Variants in RBFOX1 observed in about 807,000 individuals in gnomAD.
The protein encoded by RBFOX1 is RNA binding protein fox-1 homolog 1.
A neutral mutation model predicts 57.7 loss-of-function variants in RBFOX1; 8 were observed. The observed-to-expected ratio is 0.14, with a 90% CI of 0.08 to 0.25. The LOEUF (loss-of-function observed/expected upper bound fraction) is 0.25, where lower values mean the gene tolerates loss of function less well. Ranked by LOEUF, RBFOX1 falls within the 10% of genes least tolerant of loss-of-function variation. The pLI is 1.00. For missense variants in RBFOX1, 611 were observed against 548.5 expected (o/e 1.11, Z -1.14); for synonymous variants, 326 against 222.4 (o/e 1.47, Z -4.15).
rs201596391 is a variant in RBFOX1, at chr16:7,203,069, A to G, written c.27+150971A>G. Among the ~76,000 whole-genome samples, 7 of 152,292 alleles carry G rather than the reference A, an allele frequency of 4.6e-5. No homozygotes were observed. In the East Asian group the frequency reaches 1.4e-3, roughly 29 times the overall value. ...CCAAAGTGCTGGGATTACAGGCGTG[A>G]GCCACTGCACCCAGCCAAAGAAATG... On this transcript the variant is annotated intron_variant, in intron 4 of 15. Coordinates refer to ENST00000550418, the MANE Select transcript of RBFOX1 (RefSeq NM_018723.4).
At chr16:7,439,465 T>G (rs1440587691) in intron 4 of RBFOX1, among the ~76,000 whole-genome samples, 1 of 152,214 alleles carries the variant, frequency 6.6e-6, no homozygotes, top group Non-Finnish European at 1.5e-5. Flanking sequence ...TCTTCTTGTC[T>G]GGACACAATT....
chr16:7,551,043 G>C (rs138812150), intron 5 of RBFOX1, among the ~76,000 whole-genome samples: 142 of 142,432 alleles, frequency 1.0e-3, no homozygotes, highest in Non-Finnish European at 1.8e-3. Flanking sequence ...GCAGTGAGCT[G>C]AGATTGTGCC....
chr16:6,562,619 C>T (rs554760089), intron 2 of RBFOX1, among the ~76,000 whole-genome samples: 1 of 152,278 alleles, frequency 6.6e-6, no homozygotes, highest in African/African-American at 2.4e-5. Flanking sequence ...AAACATCTTG[C>T]ATGTACTAAT....
chr16:6,208,076 G>C (rs1019992369), intron 1 of RBFOX1, among the ~76,000 whole-genome samples: 1 of 151,528 alleles, frequency 6.6e-6, no homozygotes, highest in East Asian at 1.9e-4. Flanking sequence ...ATAGTCTGGC[G>C]GTCAACAGTT....
chr16:7,631,503 A>G (rs893818137), intron 11 of RBFOX1, among the ~76,000 whole-genome samples: 2 of 152,226 alleles, frequency 1.3e-5, no homozygotes, highest in Admixed American at 6.5e-5. Flanking sequence ...ACCCCTTCTT[A>G]AAGAATCTCC....
At chr16:7,034,827 C>CTTTTTTTTTTTTTTTTT (rs113413414) in intron 3 of RBFOX1, among the ~76,000 whole-genome samples, 1 of 54,110 alleles carries the variant, frequency 1.8e-5, no homozygotes, top group Non-Finnish European at 3.1e-5. Context: ...TATTGCATTA[C>CTTTTTTTTTTTTTTTTT]TTTTTTTTTT....
chr16:6,135,103 T>C (rs2096657403), intron 1 of RBFOX1, among the ~76,000 whole-genome samples: 1 of 152,124 alleles, frequency 6.6e-6, no homozygotes, highest in East Asian at 1.9e-4. Flanking sequence ...GTGTTTGGTA[T>C]TTTGTCCTTG....
chr16:5,623,345 A>G (rs894810694), intron 3 of RBFOX1, among the ~76,000 whole-genome samples: 5 of 152,156 alleles, frequency 3.3e-5, no homozygotes, highest in African/African-American at 9.7e-5. Context: ...CTCAAAATGC[A>G]TTTTCCTGGG....
chr16:6,830,508 G>T (rs1346684044), intron 3 of RBFOX1, among the ~76,000 whole-genome samples: 1 of 152,152 alleles, frequency 6.6e-6, no homozygotes, highest in Non-Finnish European at 1.5e-5. Context: ...TCTCAACTGA[G>T]ACTGTTTTGT....
chr16:6,401,398 G>A (rs566618098), intron 2 of RBFOX1, among the ~76,000 whole-genome samples: 1 of 152,298 alleles, frequency 6.6e-6, no homozygotes, highest in Non-Finnish European at 1.5e-5. Flanking sequence ...TAACTTATAA[G>A]CATAACTCAC....
At chr16:7,613,748 A>G (rs1459495511) in intron 10 of RBFOX1, among the ~76,000 whole-genome samples, 3 of 152,110 alleles carry the variant, frequency 2.0e-5, no homozygotes, top group Non-Finnish European at 2.9e-5. Flanking sequence ...CCAAGAGTCT[A>G]TTACCGTTAA....
intron 2 of RBFOX1, among the ~76,000 whole-genome samples, chr16:5,507,949 C>G (rs2043435951): frequency 6.6e-6 from 1 of 152,100 alleles, no homozygotes; most frequent in African/African-American, 2.4e-5. Context: ...TTTAGGCCAT[C>G]TGGTTTGGGG....
At chr16:5,985,211 C>T (rs537071038) in intron 4 of RBFOX1, among the ~76,000 whole-genome samples, 1 of 151,334 alleles carries the variant, frequency 6.6e-6, no homozygotes, top group Admixed American at 6.6e-5. Context: ...CCAGGATGGT[C>T]TCGATCTCCT....
intron 4 of RBFOX1, among the ~76,000 whole-genome samples, chr16:7,134,350 T>TATATATATATATA (rs2071330767): frequency 1.3e-5 from 2 of 152,196 alleles, no homozygotes; most frequent in African/African-American, 2.4e-5. Context: ...CCAGTATATA[T>TATATATATATATA]AACCGTCAAA....
chr16:7,313,038 G>A (rs942368861), intron 4 of RBFOX1, among the ~76,000 whole-genome samples: 4 of 151,992 alleles, frequency 2.6e-5, no homozygotes, highest in East Asian at 3.9e-4. Flanking sequence ...GAGAGGCAGC[G>A]TGTTCCCCAC....
chr16:6,826,481 C>A (rs996651322), intron 3 of RBFOX1, among the ~76,000 whole-genome samples: 4 of 152,144 alleles, frequency 2.6e-5, no homozygotes, highest in Non-Finnish European at 5.9e-5. Context: ...AGAAAATAAC[C>A]TAGAACAGTG....
intron 1 of RBFOX1, among the ~76,000 whole-genome samples, chr16:6,085,416 G>A (rs2096069249): frequency 6.6e-6 from 1 of 152,172 alleles, no homozygotes; most frequent in South Asian, 2.1e-4. Context: ...GGGAGTACAG[G>A]TATGCGCCGC....
intron 2 of RBFOX1, among the ~76,000 whole-genome samples, chr16:6,651,180 G>A (rs1052438247): frequency 1.1e-4 from 17 of 152,138 alleles, no homozygotes; most frequent in African/African-American, 2.9e-4. Context: ...GGGATTGCAG[G>A]CGTGAGCCAC....
intron 4 of RBFOX1, among the ~76,000 whole-genome samples, chr16:7,093,317 C>T (rs1430356572): frequency 1.3e-5 from 2 of 152,174 alleles, no homozygotes; most frequent in Non-Finnish European, 2.9e-5. Flanking sequence ...GAGCTTGCCT[C>T]TCTTGTCTGT....
Sources: gnomAD v4.1 joint callset for allele counts (sites outside exome capture counted in the v4.1 genomes callset) on GRCh38, gnomAD v4.1.1 for gene constraint, MANE v1.5 for transcripts, NCBI Gene and HGNC (gene_info 2026-07-23, HGNC 2026-07-21) for gene names.